The following NRG3 variants were observed in gnomAD, a reference collection of about 807,000 sequenced individuals.
The protein encoded by NRG3 is pro-neuregulin-3, membrane-bound isoform.
NRG3 carries 31 observed loss-of-function variants against 66.9 expected under a neutral mutation model. The ratio of observed to expected loss-of-function variants is 0.46; its 90% CI spans 0.35 to 0.63. The LOEUF is 0.63. Among genes scored for constraint, NRG3 ranks in the 20% least tolerant of loss-of-function variants. The pLI is 0.00. For missense variants in NRG3, 910 were observed against 878.9 expected (o/e 1.04, Z -0.45); for synonymous variants, 393 against 359.4 (o/e 1.09, Z -1.06).
At chr10:82,542,870 G>T (rs930472176) in intron 2 of NRG3, among the ~76,000 whole-genome samples, 1 of 151,580 alleles carries the variant, frequency 6.6e-6, no homozygotes, top group African/African-American at 2.4e-5. Flanking sequence ...AAATATAATT[G>T]TGATGCATGA....
intron 2 of NRG3, among the ~76,000 whole-genome samples, chr10:82,463,349 G>A (rs189226556): frequency 1.3e-5 from 2 of 152,246 alleles, no homozygotes; most frequent in East Asian, 3.9e-4. Flanking sequence ...TGAAGCATTA[G>A]TCAAGAGCAG....
intron 2 of NRG3, among the ~76,000 whole-genome samples, chr10:82,370,373 C>T (rs1937513048): frequency 7.2e-6 from 1 of 138,186 alleles, no homozygotes; most frequent in Admixed American, 6.8e-5. Context: ...CTCCCCTCAG[C>T]ATCCAGACAT....
At chr10:82,685,898 C>G (rs1030589282) in intron 2 of NRG3, among the ~76,000 whole-genome samples, 1 of 152,158 alleles carries the variant, frequency 6.6e-6, no homozygotes, top group African/African-American at 2.4e-5. Context: ...TCATCCTCTA[C>G]TACATCTTGT....
At position 82,061,211 on chromosome 10, in the gene NRG3, C is replaced by T. The variant is rs189682626; in HGVS notation, c.823+185048C>T. ...ACTAAAAGTACAAAAATTAGCCGGG[C>T]GTGGTGGCGGGTGCCTGTAATCCCA... On this transcript the variant is annotated intron_variant, in intron 1 of 8. Transcript: ENST00000372141. Among the ~76,000 whole-genome samples, 615 of 152,086 alleles carry T rather than the reference C, an allele frequency of 4.0e-3. 4 individuals carry two copies. Among genetic ancestry groups the T allele is most frequent in the Non-Finnish European group, 5.8e-3 (394 of 67,984 alleles).
At chr10:82,569,270 A>T (rs1565080175) in intron 2 of NRG3, among the ~76,000 whole-genome samples, 1 of 151,718 alleles carries the variant, frequency 6.6e-6, no homozygotes. Flanking sequence ...CTAATGTAAA[A>T]TGAGCATTGG....
At chr10:82,480,671 G>A (rs1454365671) in intron 2 of NRG3, among the ~76,000 whole-genome samples, 4 of 152,162 alleles carry the variant, frequency 2.6e-5, no homozygotes, top group African/African-American at 9.7e-5. Flanking sequence ...TGGTCCACAC[G>A]TATTCATACA....
intron 2 of NRG3, among the ~76,000 whole-genome samples, chr10:82,402,994 G>C (rs2087222605): frequency 6.6e-6 from 1 of 152,086 alleles, no homozygotes; most frequent in Admixed American, 6.6e-5. Context: ...CATAGCTGTT[G>C]TAATTTAAAG....
intron 2 of NRG3, among the ~76,000 whole-genome samples, chr10:82,458,011 T>C (rs952741409): frequency 6.6e-6 from 1 of 152,078 alleles, no homozygotes; most frequent in African/African-American, 2.4e-5. Context: ...GCACAGACCG[T>C]GGTGTGTGTG....
chr10:82,552,201 G>C (rs980637666), intron 2 of NRG3, among the ~76,000 whole-genome samples: 1 of 152,038 alleles, frequency 6.6e-6, no homozygotes, highest in Non-Finnish European at 1.5e-5. Context: ...AATTCTGTAG[G>C]AATCACTTGC....
intron 1 of NRG3, among the ~76,000 whole-genome samples, chr10:82,319,643 A>G (rs2081463277): frequency 6.6e-6 from 1 of 152,196 alleles, no homozygotes; most frequent in Non-Finnish European, 1.5e-5. Context: ...TTCTGGGAGC[A>G]TAAGTTGGGG....
chr10:82,556,478 GGCATGTGA>G lies in NRG3; in HGVS notation c.954-182096_954-182089del, dbSNP rs1003726058. ...AAGCATGGGTATAGTGTGAGAAGTG[GGCATGTGA>G]GCTGCATTGGCTGGCGGCAGCCCTC... On this transcript the variant is annotated intron_variant, in intron 2 of 8. Transcript: ENST00000372141. Among the ~76,000 whole-genome samples the G allele has an allele frequency of 1.3e-4, 20 of 152,162 alleles. No homozygotes were observed. The South Asian group carries it at 3.3e-3, about 25-fold the overall frequency.
At chr10:82,613,294 A>G (rs1444477940) in intron 2 of NRG3, among the ~76,000 whole-genome samples, 1 of 152,058 alleles carries the variant, frequency 6.6e-6, no homozygotes. Context: ...TCTTCATATA[A>G]TGCATCTAAT....
rs200053957 is a variant in NRG3, at chr10:82,166,836, A to G, written c.824-191903A>G. The G allele has an allele frequency of 7.8e-4, 521 of 664,824 alleles. 4 individuals carry two copies. The South Asian group carries it at 8.2e-3, about 10-fold the overall frequency. The allele number at this position is 664,824 out of a possible 1,614,324, so 41.2% of individuals were successfully genotyped here. ...AATTCATACAAATTTTGTAAGTCTG[A>G]AACAGTCTTTATTTATCTTCATTAC... On this transcript the variant is annotated intron_variant, in intron 1 of 8. Coordinates refer to ENST00000372141, the MANE Select transcript of NRG3 (RefSeq NM_001010848.4).
chr10:82,200,141 C>G (rs946748276), intron 1 of NRG3, among the ~76,000 whole-genome samples: 38 of 152,162 alleles, frequency 2.5e-4, no homozygotes, highest in African/African-American at 8.4e-4. Flanking sequence ...CAACAGTGAA[C>G]AAAACAAAAT....
intron 2 of NRG3, among the ~76,000 whole-genome samples, chr10:82,581,011 A>G (rs1263518765): frequency 1.3e-5 from 2 of 151,886 alleles, no homozygotes; most frequent in Non-Finnish European, 2.9e-5. Context: ...ATTTAGTTTT[A>G]TAAGTAACTC....
At chr10:82,374,864 A>G (rs756862778) in intron 2 of NRG3, among the ~76,000 whole-genome samples, 4 of 152,134 alleles carry the variant, frequency 2.6e-5, no homozygotes, top group African/African-American at 7.2e-5. Context: ...CCTTGTAAAC[A>G]TGTTTGTGAA....
chr10:82,756,081 C>T (rs2059066792), intron 3 of NRG3, among the ~76,000 whole-genome samples: 1 of 151,844 alleles, frequency 6.6e-6, no homozygotes, highest in African/African-American at 2.4e-5. Context: ...TTCCATCTTC[C>T]TGTAACTCCT....
intron 2 of NRG3, among the ~76,000 whole-genome samples, chr10:82,491,568 T>C (rs1843149654): frequency 6.6e-6 from 1 of 151,972 alleles, no homozygotes; most frequent in South Asian, 2.1e-4. Context: ...TTTGCAGAAA[T>C]TTAAGTATCT....
chr10:82,204,909 G>T (rs898876207), intron 1 of NRG3, among the ~76,000 whole-genome samples: 4 of 152,174 alleles, frequency 2.6e-5, no homozygotes, highest in African/African-American at 4.8e-5. Flanking sequence ...TTTGCACAAG[G>T]TTTTGTGCTT....
Sources: gnomAD v4.1 joint callset for allele counts (sites outside exome capture counted in the v4.1 genomes callset) on GRCh38, gnomAD v4.1.1 for gene constraint, MANE v1.5 for transcripts, NCBI Gene and HGNC (gene_info 2026-07-23, HGNC 2026-07-21) for gene names.